The following CACNA2D1 variants were observed in gnomAD, a reference collection of about 807,000 sequenced individuals.
CACNA2D1 encodes the protein calcium voltage-gated channel auxiliary subunit alpha2delta 1.
Under a neutral mutation model 171.5 loss-of-function variants are expected in CACNA2D1, and 53 were observed. The ratio of observed to expected loss-of-function variants is 0.31; its 90% CI spans 0.25 to 0.39. CACNA2D1 has a LOEUF of 0.39. CACNA2D1 is among the 10% of genes least tolerant of loss of function. CACNA2D1 has a pLI of 1.00. For synonymous variants in CACNA2D1, 442 were observed against 443.1 expected, an observed-to-expected ratio of 1.00 and a Z score of 0.03; for missense variants, 903 against 1,299.8, an observed-to-expected ratio of 0.69 and a Z score of 4.69.
At chr7:82,426,921 C>T (rs2129458256) in intron 1 of CACNA2D1, among the ~76,000 whole-genome samples, 1 of 152,320 alleles carries the variant, frequency 6.6e-6, no homozygotes, top group East Asian at 1.9e-4. Context: ...ACCACCTCCA[C>T]ACAACTTTTA....
intron 1 of CACNA2D1, among the ~76,000 whole-genome samples, chr7:82,366,635 G>C (rs1821745118): frequency 6.6e-6 from 1 of 152,130 alleles, no homozygotes; most frequent in Admixed American, 6.6e-5. Flanking sequence ...TGGGCACCTA[G>C]GTTGATTCCA....
At chr7:82,261,864 C>T (rs906813694) in intron 3 of CACNA2D1, among the ~76,000 whole-genome samples, 9 of 152,208 alleles carry the variant, frequency 5.9e-5, no homozygotes, top group African/African-American at 2.2e-4. Flanking sequence ...AATGTGGGAG[C>T]TGACAAGCCT....
chr7:81,977,977 T>C (rs777779816), intron 24 of CACNA2D1, among the ~76,000 whole-genome samples: 1 of 151,904 alleles, frequency 6.6e-6, no homozygotes, highest in Non-Finnish European at 1.5e-5. Context: ...CCAACAAACA[T>C]ATGAAAAAAA....
At chr7:82,217,131 G>A (rs1801195314) in intron 3 of CACNA2D1, among the ~76,000 whole-genome samples, 1 of 151,660 alleles carries the variant, frequency 6.6e-6, no homozygotes, top group South Asian at 2.1e-4. Context: ...CTTTCTGACT[G>A]ACCAAGCTTG....
chr7:82,037,331 T>G (rs911065398), intron 11 of CACNA2D1, among the ~76,000 whole-genome samples: 15 of 151,994 alleles, frequency 9.9e-5, no homozygotes, highest in Non-Finnish European at 1.5e-5. Flanking sequence ...ATACAAAAAT[T>G]AGCTGGGCAT....
intron 6 of CACNA2D1, among the ~76,000 whole-genome samples, chr7:82,085,167 G>C (rs1010427502): frequency 2.6e-5 from 4 of 152,134 alleles, no homozygotes; most frequent in Non-Finnish European, 5.9e-5. Flanking sequence ...TTGTATGACA[G>C]TGTCCCTACT....
intron 1 of CACNA2D1, among the ~76,000 whole-genome samples, chr7:82,368,818 C>T (rs1822034059): frequency 6.6e-6 from 1 of 152,138 alleles, no homozygotes; most frequent in South Asian, 2.1e-4. Context: ...TCCTCCTACA[C>T]TTCCAATGCT....
chr7:82,379,793 T>C (rs1823485190), intron 1 of CACNA2D1, among the ~76,000 whole-genome samples: 1 of 152,198 alleles, frequency 6.6e-6, no homozygotes, highest in Non-Finnish European at 1.5e-5. Context: ...ATTCCTTCTA[T>C]GAAATCTATG....
intron 12 of CACNA2D1, among the ~76,000 whole-genome samples, chr7:82,019,614 T>C (rs1800943113): frequency 6.6e-6 from 1 of 152,166 alleles, no homozygotes; most frequent in African/African-American, 2.4e-5. Flanking sequence ...TTTGTTTTGT[T>C]TGAAAACTAA....
rs116324422 is a variant in CACNA2D1, at chr7:82,053,480, G to C, written c.879+6948C>G. Among the ~76,000 whole-genome samples, 928 of 152,058 alleles carry C rather than the reference G, an allele frequency of 6.1e-3. 16 individuals are homozygous for C. The highest frequency in any genetic ancestry group is 0.021 in the African/African-American group (873 of 41,488). On this transcript the variant is annotated intron_variant, in intron 10 of 38. Coordinates refer to ENST00000356860, the MANE Select transcript of CACNA2D1 (RefSeq NM_000722.4). ...TGAAATAATAAAATTAAACAAAAGT[G>C]TACAGTTAACAAAACTTCAGAGTGT... is the stretch of plus-strand genomic sequence containing the variant.
chr7:81,969,052 A>G, intron 28 of CACNA2D1, 79 bp from the exon 29 acceptor site: 1 of 842,530 alleles, frequency 1.2e-6, no homozygotes, highest in African/African-American at 1.7e-5. Flanking sequence ...TTAGATACAA[A>G]TGGATAGTAT....
intron 18 of CACNA2D1, 120 bp from the exon 19 acceptor site, chr7:81,997,370 T>C (rs1322359106): frequency 1.2e-5 from 7 of 600,372 alleles, no homozygotes; most frequent in Non-Finnish European, 2.1e-5. Flanking sequence ...AATAATTGTA[T>C]AAAGGTATCT....
At chr7:81,959,401 A>ATGAT (rs1793828180) in intron 37 of CACNA2D1, 44 bp from the exon 38 acceptor site, 1 of 1,290,644 alleles carries the variant, frequency 7.7e-7, no homozygotes, top group East Asian at 2.3e-5. Context: ...TTTTTTTCAC[A>ATGAT]TGATTAAAAA....
At chr7:82,402,074 C>G (rs1319209500) in intron 1 of CACNA2D1, among the ~76,000 whole-genome samples, 4 of 152,050 alleles carry the variant, frequency 2.6e-5, no homozygotes, top group Non-Finnish European at 5.9e-5. Flanking sequence ...AACTGATTGA[C>G]AAAATGTGAA....
At chr7:82,063,787 A>G (rs1456116729) in intron 9 of CACNA2D1, among the ~76,000 whole-genome samples, 1 of 152,122 alleles carries the variant, frequency 6.6e-6, no homozygotes, top group Admixed American at 6.6e-5. Flanking sequence ...TTGAAGCACT[A>G]TAACAAAGAG....
At chr7:82,329,066 A>G (rs990480371) in intron 3 of CACNA2D1, among the ~76,000 whole-genome samples, 1 of 152,142 alleles carries the variant, frequency 6.6e-6, no homozygotes, top group African/African-American at 2.4e-5. Flanking sequence ...ACATTTTTCT[A>G]AAATGTTACT....
intron 3 of CACNA2D1, among the ~76,000 whole-genome samples, chr7:82,326,227 G>C (rs1487631870): frequency 6.6e-6 from 1 of 152,132 alleles, no homozygotes; most frequent in Admixed American, 6.5e-5. Context: ...TGGTGTTTAC[G>C]TAAAAGCTTA....
Position 82,406,401 on chromosome 7 carries a change from T to A in CACNA2D1, c.95+36964A>T, listed in dbSNP as rs200547705. 2.5e-3 allele frequency among the ~76,000 whole-genome samples: 379 copies of A among 152,342 alleles called. 14 individuals are homozygous for A. The East Asian group carries it at 0.059, about 24-fold the overall frequency. The stretch of plus-strand genomic sequence containing the variant: ...AGCATGATTTATAATCCTTTGGGTA[T>A]ATACCCAGTAATGGGATGGCTGGGT... On this transcript the variant is annotated intron_variant, in intron 1 of 38. Transcript: ENST00000356860.
At chr7:82,366,853 A>G (rs528748326) in intron 1 of CACNA2D1, among the ~76,000 whole-genome samples, 1 of 146,840 alleles carries the variant, frequency 6.8e-6, no homozygotes, top group African/African-American at 2.5e-5. Context: ...CCAATAATGT[A>G]TAAGTGGCCC....
Sources: allele counts gnomAD v4.1 joint callset (sites outside exome capture counted in the v4.1 genomes callset), GRCh38; gene constraint gnomAD v4.1.1; transcripts MANE v1.5; gene names NCBI Gene and HGNC (gene_info 2026-07-23, HGNC 2026-07-21).